The following ARHGAP29 variants were observed in gnomAD, a reference collection of about 807,000 sequenced individuals.
The protein encoded by ARHGAP29 is Rho GTPase activating protein 29.
ARHGAP29 carries 43 observed loss-of-function variants against 122.6 expected under a neutral mutation model. The ratio of observed to expected loss-of-function variants is 0.35; its 90% CI spans 0.27 to 0.45. The LOEUF is 0.45. Ranked by LOEUF, ARHGAP29 falls within the 20% of genes least tolerant of loss-of-function variation. The pLI, the probability that ARHGAP29 is intolerant of heterozygous loss-of-function variation, is 1.00. For missense variants in ARHGAP29, 1,303 were observed against 1,477.2 expected, an observed-to-expected ratio of 0.88 and a Z score of 1.93; for synonymous variants, 506 against 497.1, an observed-to-expected ratio of 1.02 and a Z score of -0.24.
intron 1 of ARHGAP29, among the ~76,000 whole-genome samples, chr1:94,265,600 C>T (rs906155926): frequency 7.9e-5 from 12 of 152,180 alleles, no homozygotes; most frequent in Non-Finnish European, 1.6e-4. Flanking sequence ...GCCTGGAATG[C>T]CCTGATCATC....
At position 94,177,943 on chromosome 1, in the gene ARHGAP29, A is replaced by G. The variant is rs779871041; in HGVS notation, c.2705T>C (p.Val902Ala). 1.5e-5 allele frequency: 24 copies of G among 1,614,052 alleles called. 1 individual carries two copies. The East Asian group carries it at 4.7e-4, about 31-fold the overall frequency. ...PQDVMCSIGV[V>A]DQGCFPKPLL... ...AGGCTTTGGAAAACAGCCTTGATCAACAACACCTATGCTACACATAACATC... is the reference window on the plus strand; with the variant it reads ...AGGCTTTGGAAAACAGCCTTGATCAGCAACACCTATGCTACACATAACATC... The change falls in exon 21 of 23, where the codon GTT becomes GCT. Residue 902 changes from valine (V) to alanine (A), a missense_variant. Coordinates refer to ENST00000260526, the MANE Select transcript of ARHGAP29 (RefSeq NM_004815.4).
chr1:94,207,809 C>T (rs1651302608), intron 5 of ARHGAP29, among the ~76,000 whole-genome samples: 2 of 151,300 alleles, frequency 1.3e-5, no homozygotes, highest in South Asian at 4.2e-4. Flanking sequence ...AATATAAGTC[C>T]CTGGCACGTT....
the ARHGAP29 span, among the ~76,000 whole-genome samples, chr1:94,311,458 G>T: frequency 6.6e-6 from 1 of 152,086 alleles, no homozygotes; most frequent in East Asian, 1.9e-4. Context: ...CCAGAGGCTT[G>T]GATAGGTGCA....
upstream of ARHGAP29, among the ~76,000 whole-genome samples, chr1:94,278,314 G>A (rs1655254154): frequency 6.6e-6 from 1 of 151,222 alleles, no homozygotes; most frequent in Non-Finnish European, 1.5e-5. Context: ...ACAAGACCCT[G>A]TCTCTAAAAA....
intron 5 of ARHGAP29, 60 bp downstream of exon 5, chr1:94,208,772 A>G (rs1651382520): frequency 6.5e-7 from 1 of 1,537,096 alleles, no homozygotes; most frequent in Non-Finnish European, 9.0e-7. Flanking sequence ...AGATTAGGCA[A>G]TAGTTGAAAC....
chr1:94,237,819 G>T (rs1653399260), upstream of ARHGAP29: 12 of 968,474 alleles, frequency 1.2e-5, no homozygotes, highest in Non-Finnish European at 1.5e-5. Context: ...GGGACAGGCA[G>T]AGCGACTCAG....
intron 1 of ARHGAP29, among the ~76,000 whole-genome samples, chr1:94,245,266 T>G (rs1557885719): frequency 6.6e-6 from 1 of 152,128 alleles, no homozygotes; most frequent in Non-Finnish European, 1.5e-5. Flanking sequence ...AAAACATATA[T>G]TCACCCCTAA....
At chr1:94,314,208 C>G in the ARHGAP29 span, among the ~76,000 whole-genome samples, 2 of 152,202 alleles carry the variant, frequency 1.3e-5, no homozygotes, top group Non-Finnish European at 2.9e-5. Context: ...TGATCCCTAA[C>G]ACTTACAACA....
the ARHGAP29 span, chr1:94,302,603 T>C: frequency 5.1e-6 from 2 of 390,414 alleles, no homozygotes; most frequent in South Asian, 3.9e-5. Flanking sequence ...GAAACTGTGG[T>C]GTGATGGCCA....
chr1:94,174,966 C>T (rs1649000048), intron 22 of ARHGAP29, among the ~76,000 whole-genome samples: 1 of 152,176 alleles, frequency 6.6e-6, no homozygotes, highest in South Asian at 2.1e-4. Flanking sequence ...TTTAAATCAA[C>T]ATGAACAGCT....
chr1:94,247,744 G>A, intron 1 of ARHGAP29: 1 of 671,630 alleles, frequency 1.5e-6, no homozygotes, highest in African/African-American at 2.0e-5. Context: ...CGCCTTTGCA[G>A]CTACCGCCAC....
intron 2 of ARHGAP29, among the ~76,000 whole-genome samples, chr1:94,224,075 C>T (rs1239387498): frequency 2.6e-5 from 4 of 152,206 alleles, no homozygotes; most frequent in Admixed American, 6.5e-5. Flanking sequence ...TCCCAAAGTG[C>T]TGGGATTACA....
chr1:94,276,992 C>G (rs2100742847), upstream of ARHGAP29, among the ~76,000 whole-genome samples: 1 of 152,214 alleles, frequency 6.6e-6, no homozygotes, highest in South Asian at 2.1e-4. Context: ...GCTATCCAGC[C>G]TGTGGGTGTA....
the ARHGAP29 span, among the ~76,000 whole-genome samples, chr1:94,285,145 T>A: frequency 4.6e-5 from 7 of 152,214 alleles, no homozygotes; most frequent in African/African-American, 1.7e-4. Flanking sequence ...CAGCTGTTCA[T>A]AATTTCATGA....
At chr1:94,232,196 C>T (rs1652958397) in intron 1 of ARHGAP29, among the ~76,000 whole-genome samples, 2 of 152,126 alleles carry the variant, frequency 1.3e-5, no homozygotes, top group Admixed American at 6.5e-5. Flanking sequence ...ATGATCTATT[C>T]ATCTCTTTAC....
upstream of ARHGAP29, among the ~76,000 whole-genome samples, chr1:94,276,165 C>T (rs1282738488): frequency 4.0e-5 from 6 of 151,382 alleles, no homozygotes; most frequent in South Asian, 4.2e-4. Flanking sequence ...AGATGAGGCA[C>T]GAGAATCATT....
intron 22 of ARHGAP29, 106 bp from the exon 23 acceptor site, chr1:94,174,855 T>C (rs1648993570): frequency 7.8e-7 from 1 of 1,283,706 alleles, no homozygotes; most frequent in African/African-American, 1.5e-5. Context: ...TCTTACATAT[T>C]TTTTCCAAAA....
chr1:94,178,519 C>T (rs569911523), intron 20 of ARHGAP29, among the ~76,000 whole-genome samples: 78 of 152,226 alleles, frequency 5.1e-4, no homozygotes, highest in Admixed American at 1.5e-3. Context: ...GTCTCACTAC[C>T]CATCTCCAAG....
upstream of ARHGAP29, among the ~76,000 whole-genome samples, chr1:94,239,137 G>T (rs988674686): frequency 3.0e-4 from 45 of 151,960 alleles, no homozygotes; most frequent in African/African-American, 1.0e-3. Context: ...AGAAAAATGC[G>T]CCAAGGACTC....
Sources: allele counts gnomAD v4.1 joint callset (sites outside exome capture counted in the v4.1 genomes callset), GRCh38; gene constraint gnomAD v4.1.1; transcripts MANE v1.5; gene names NCBI Gene and HGNC (gene_info 2026-07-23, HGNC 2026-07-21).